Variants in KCNIP4 observed in about 807,000 individuals in gnomAD.
KCNIP4 encodes the protein potassium voltage-gated channel interacting protein 4.
In KCNIP4, 12 loss-of-function variants were observed where a neutral mutation model predicts 34.0. The ratio of observed to expected loss-of-function variants is 0.35; its 90% CI spans 0.23 to 0.57. The LOEUF (loss-of-function observed/expected upper bound fraction) is 0.57, where lower values mean the gene tolerates loss of function less well. KCNIP4 is among the 20% of genes least tolerant of loss of function. KCNIP4 has a pLI of 0.83. For missense variants in KCNIP4, 238 were observed against 311.7 expected (o/e 0.76, Z 1.78); for synonymous variants, 124 against 102.2 (o/e 1.21, Z -1.29).
chr4:21,060,314 G>T, intron 1 of KCNIP4, among the ~76,000 whole-genome samples: 1 of 151,662 alleles, frequency 6.6e-6, no homozygotes, highest in East Asian at 1.9e-4. Context: ...AATAGACTGA[G>T]TTGGGAAGGT....
chr4:21,823,374 G>C (rs1722485708), intron 1 of KCNIP4, among the ~76,000 whole-genome samples: 1 of 147,552 alleles, frequency 6.8e-6, no homozygotes, highest in Admixed American at 6.6e-5. Flanking sequence ...TTAAGTGTAT[G>C]CTAGAGGGGT....
intron 1 of KCNIP4, among the ~76,000 whole-genome samples, chr4:21,663,418 C>G (rs566243341): frequency 9.9e-5 from 15 of 152,210 alleles, no homozygotes; most frequent in African/African-American, 3.4e-4. Context: ...ACATGGGGAG[C>G]GGAGTGTAAG....
chr4:21,492,782 G>A (rs1215671465), intron 1 of KCNIP4, among the ~76,000 whole-genome samples: 1 of 152,104 alleles, frequency 6.6e-6, no homozygotes, highest in African/African-American at 2.4e-5. Flanking sequence ...TCTCATTTTA[G>A]TATCTATGTC....
chr4:21,272,941 G>A (rs1041482197), intron 1 of KCNIP4, among the ~76,000 whole-genome samples: 10 of 151,926 alleles, frequency 6.6e-5, no homozygotes, highest in South Asian at 2.1e-4. Flanking sequence ...TATCAGTATC[G>A]TCTTTGTTGA....
At chr4:21,701,195 T>C (rs1270275794) in intron 1 of KCNIP4, among the ~76,000 whole-genome samples, 1 of 152,150 alleles carries the variant, frequency 6.6e-6, no homozygotes, top group Admixed American at 6.6e-5. Context: ...ATATGTGGAA[T>C]CTAGAAAAGT....
chr4:21,800,795 A>G (rs1412475483), intron 1 of KCNIP4, among the ~76,000 whole-genome samples: 1 of 152,224 alleles, frequency 6.6e-6, no homozygotes, highest in Non-Finnish European at 1.5e-5. Flanking sequence ...CAGGTATAGC[A>G]GAATATAATA....
At chr4:21,341,305 T>C (rs1716741036) in intron 1 of KCNIP4, among the ~76,000 whole-genome samples, 1 of 152,090 alleles carries the variant, frequency 6.6e-6, no homozygotes, top group Non-Finnish European at 1.5e-5. Flanking sequence ...TACAGCAGCC[T>C]AGGAAACTAA....
At chr4:21,347,754 C>G (rs1717597151) in intron 1 of KCNIP4, among the ~76,000 whole-genome samples, 1 of 152,062 alleles carries the variant, frequency 6.6e-6, no homozygotes, top group Non-Finnish European at 1.5e-5. Flanking sequence ...AGCATTTTCC[C>G]CCTTCATTCC....
At chr4:21,336,767 G>A (rs532591171) in intron 1 of KCNIP4, among the ~76,000 whole-genome samples, 1 of 152,180 alleles carries the variant, frequency 6.6e-6, no homozygotes, top group African/African-American at 2.4e-5. Flanking sequence ...GTAATATGAA[G>A]GGATGGACAG....
At chr4:21,787,621 A>T (rs1216630096) in intron 1 of KCNIP4, among the ~76,000 whole-genome samples, 1 of 152,230 alleles carries the variant, frequency 6.6e-6, no homozygotes, top group Non-Finnish European at 1.5e-5. Context: ...GGCAGAGCCA[A>T]GATTTGTTCC....
chr4:21,712,430 C>T (rs1377944179), intron 1 of KCNIP4, among the ~76,000 whole-genome samples: 1 of 152,156 alleles, frequency 6.6e-6, no homozygotes, highest in Non-Finnish European at 1.5e-5. Flanking sequence ...CCATCTTTTA[C>T]TAGCCTGAGA....
At chr4:21,417,084 A>G (rs1349043871) in intron 1 of KCNIP4, among the ~76,000 whole-genome samples, 1 of 152,122 alleles carries the variant, frequency 6.6e-6, no homozygotes, top group African/African-American at 2.4e-5. Flanking sequence ...TCGAACTGGG[A>G]TTGTAGCACC....
At chr4:21,130,436 T>A (rs1431375448) in intron 1 of KCNIP4, among the ~76,000 whole-genome samples, 1 of 152,212 alleles carries the variant, frequency 6.6e-6, no homozygotes, top group African/African-American at 2.4e-5. Flanking sequence ...AAGGCACTAG[T>A]TCCAAGAAAC....
intron 2 of KCNIP4, among the ~76,000 whole-genome samples, chr4:20,864,471 A>T (rs981031196): frequency 6.6e-6 from 1 of 151,918 alleles, no homozygotes; most frequent in Non-Finnish European, 1.5e-5. Flanking sequence ...CTTGTTCTGT[A>T]GATGAAGATA....
chr4:20,772,206 T>A (rs1311513522), intron 3 of KCNIP4, among the ~76,000 whole-genome samples: 2 of 152,146 alleles, frequency 1.3e-5, no homozygotes, highest in Non-Finnish European at 2.9e-5. Flanking sequence ...GAAAGGTGAG[T>A]GCACCTGCGG....
intron 1 of KCNIP4, among the ~76,000 whole-genome samples, chr4:21,455,836 T>TAACTAATTTTTTACAGAATG (rs1577388513): frequency 2.6e-5 from 3 of 116,350 alleles, no homozygotes; most frequent in African/African-American, 8.4e-5. Flanking sequence ...TATATATATA[T>TAACTAATTTTTTACAGAATG]ATATATATAT....
chr4:20,879,320 C>G (rs1724421664), intron 2 of KCNIP4, among the ~76,000 whole-genome samples: 1 of 152,280 alleles, frequency 6.6e-6, no homozygotes, highest in African/African-American at 2.4e-5. Context: ...TGCTCAACTA[C>G]CAATCAGGTA....
At chr4:21,007,264 G>A (rs539437061) in intron 1 of KCNIP4, among the ~76,000 whole-genome samples, 2 of 152,270 alleles carry the variant, frequency 1.3e-5, no homozygotes, top group African/African-American at 2.4e-5. Context: ...TTTTCCTGAA[G>A]GCCTGAGACA....
chr4:21,055,864 C>T (rs187101908), intron 1 of KCNIP4, among the ~76,000 whole-genome samples: 7 of 152,234 alleles, frequency 4.6e-5, no homozygotes, highest in African/African-American at 7.2e-5. Flanking sequence ...ATGATGGACA[C>T]GTGTCATTAT....
Sources: allele counts gnomAD v4.1 joint callset (sites outside exome capture counted in the v4.1 genomes callset), GRCh38; gene constraint gnomAD v4.1.1; transcripts MANE v1.5; gene names NCBI Gene and HGNC (gene_info 2026-07-23, HGNC 2026-07-21).